Variants in AIG1 observed in about 807,000 individuals in gnomAD.
AIG1 encodes androgen-induced gene 1 protein.
A neutral mutation model predicts 31.4 loss-of-function variants in AIG1; 23 were observed. The ratio of observed to expected loss-of-function variants is 0.73; its 90% CI spans 0.53 to 1.04. The LOEUF is 1.04. Ranked by LOEUF, AIG1 falls within the 50% of genes least tolerant of loss-of-function variation. The pLI, the probability that AIG1 is intolerant of heterozygous loss-of-function variation, is 0.00. For synonymous variants in AIG1, 100 were observed against 110.5 expected (o/e 0.90, Z 0.60); for missense variants, 274 against 295.0 (o/e 0.93, Z 0.52).
intron 4 of AIG1, among the ~76,000 whole-genome samples, chr6:143,312,936 T>C (rs1287902079): frequency 6.6e-6 from 1 of 152,072 alleles, no homozygotes; most frequent in Non-Finnish European, 1.5e-5. Flanking sequence ...TACAAATGGC[T>C]AACTGGTATA....
chr6:143,077,414 T>C (rs2128465924), intron 1 of AIG1, among the ~76,000 whole-genome samples: 1 of 152,354 alleles, frequency 6.6e-6, no homozygotes. Context: ...TTTTTCTTCA[T>C]TGAGTATGCT....
intron 1 of AIG1, among the ~76,000 whole-genome samples, chr6:143,090,311 A>G (rs1283470904): frequency 6.6e-6 from 1 of 152,064 alleles, no homozygotes. Flanking sequence ...CTATCTATCC[A>G]TCCATCCATC....
At chr6:143,238,782 C>G (rs1261127109) in intron 3 of AIG1, among the ~76,000 whole-genome samples, 1 of 152,132 alleles carries the variant, frequency 6.6e-6, no homozygotes, top group South Asian at 2.1e-4. Flanking sequence ...TGGAGCAAAA[C>G]CTTTATTATC....
intron 1 of AIG1, among the ~76,000 whole-genome samples, chr6:143,090,491 C>T (rs559426375): frequency 4.4e-4 from 67 of 152,296 alleles, no homozygotes; most frequent in African/African-American, 1.6e-3. Context: ...CCAATATAGG[C>T]ATACCTTGGT....
intron 4 of AIG1, among the ~76,000 whole-genome samples, chr6:143,324,788 G>T (rs577797491): frequency 1.3e-5 from 2 of 152,306 alleles, no homozygotes; most frequent in African/African-American, 4.8e-5. Flanking sequence ...TTATCTAAAT[G>T]TGAATGATAG....
Position 143,268,006 on chromosome 6 carries a change from T to A in AIG1, c.400-16104T>A, listed in dbSNP as rs1583676820. ...TGATGAAAATGTCAGGTTTCTTTGA[T>A]TTGGCTGAACTCTGTGAGCACAATG... On this transcript the variant is annotated intron_variant, in intron 3 of 5. Coordinates refer to ENST00000357847, the MANE Select transcript of AIG1 (RefSeq NM_016108.4). This position sits in a 1 kb window ranked among gnomAD's most constrained non-coding sequence, Gnocchi z 5.0. Among the ~76,000 whole-genome samples the A allele has an allele frequency of 6.6e-6, 1 of 152,308 alleles. No homozygotes were observed. The highest frequency in any genetic ancestry group is 2.1e-4 in the South Asian group (1 of 4,820).
rs193106187 is a variant in AIG1 at position 143,108,310 on chromosome 6, A to G, written c.142-28525A>G. On this transcript the variant is annotated intron_variant, in intron 1 of 5. Transcript: ENST00000357847. ...TAAGATTTCTTACTTGCAACATAGCATTTAAGAAAAATTACTCAATGTAAG... is the reference window on the plus strand; with the variant it reads ...TAAGATTTCTTACTTGCAACATAGCGTTTAAGAAAAATTACTCAATGTAAG... Among the ~76,000 whole-genome samples, 25 of 152,338 alleles carry G rather than the reference A, an allele frequency of 1.6e-4. No individual in the cohort carries two copies. The East Asian group carries it at 3.7e-3, about 22-fold the overall frequency.
Position 143,187,363 on chromosome 6 carries a change from T to G in AIG1, c.399+22180T>G, listed in dbSNP as rs144917260. On this transcript the variant is annotated intron_variant, in intron 3 of 5. Transcript: ENST00000357847. ...AGATATTTTGCTGCATTCCATGGTG[T>G]CTCATTTATTTGTTTAATTTGCAGC... 5.3e-4 allele frequency: 807 copies of G among 1,513,866 alleles called. 3 individuals are homozygous for G. In the African/African-American group the frequency reaches 9.9e-3, roughly 19 times the overall value. The allele number at this position is 1,513,866 out of a possible 1,614,324, so 93.8% of individuals were successfully genotyped here.
At chr6:143,117,527 C>T (rs899463774) in intron 1 of AIG1, among the ~76,000 whole-genome samples, 8 of 151,904 alleles carry the variant, frequency 5.3e-5, no homozygotes, top group Non-Finnish European at 1.2e-4. Flanking sequence ...ATGAGGATGA[C>T]GGTGGAAGAA....
intron 3 of AIG1, among the ~76,000 whole-genome samples, chr6:143,195,903 G>C (rs1362287082): frequency 3.3e-5 from 5 of 152,194 alleles, no homozygotes; most frequent in African/African-American, 1.2e-4. Context: ...TTGTCATGTG[G>C]CATGTTTTTA....
chr6:143,253,161 G>A (rs182979193), intron 3 of AIG1, among the ~76,000 whole-genome samples: 4 of 152,302 alleles, frequency 2.6e-5, no homozygotes, highest in Admixed American at 1.3e-4. Flanking sequence ...CATGAATACC[G>A]AGCACTTGGA....
intron 3 of AIG1, among the ~76,000 whole-genome samples, chr6:143,240,840 T>C (rs1437176725): frequency 5.3e-5 from 8 of 152,224 alleles, no homozygotes. Context: ...CCCGTACTTA[T>C]CTTTCTGTGA....
chr6:143,125,679 C>T (rs1319866355), intron 1 of AIG1, among the ~76,000 whole-genome samples: 1 of 152,130 alleles, frequency 6.6e-6, no homozygotes, highest in African/African-American at 2.4e-5. Context: ...GGGAACATGG[C>T]GTGACTGTAC....
chr6:143,103,572 A>G (rs1583185933), intron 1 of AIG1, among the ~76,000 whole-genome samples: 1 of 118,516 alleles, frequency 8.4e-6, no homozygotes, highest in Middle Eastern at 8.1e-3. Flanking sequence ...CAGTGGCGGG[A>G]TCTCGGCTCA....
At chr6:143,153,541 A>T (rs564736368) in intron 2 of AIG1, among the ~76,000 whole-genome samples, 36 of 151,952 alleles carry the variant, frequency 2.4e-4, no homozygotes, top group Admixed American at 1.2e-3. Context: ...TACAGACGGG[A>T]TTTCACCATA....
At chr6:143,062,612 G>C (rs186306043) in intron 1 of AIG1, among the ~76,000 whole-genome samples, 4 of 152,302 alleles carry the variant, frequency 2.6e-5, no homozygotes, top group Admixed American at 2.6e-4. Flanking sequence ...CAATTATGTT[G>C]TGTAGCAGAC....
At chr6:143,309,437 C>G (rs952473327) in intron 4 of AIG1, among the ~76,000 whole-genome samples, 1 of 151,778 alleles carries the variant, frequency 6.6e-6, no homozygotes, top group African/African-American at 2.4e-5. Context: ...GTTACAAAGG[C>G]AACAACTTAT....
At position 143,328,114 on chromosome 6, in the gene AIG1, C is replaced by G. The variant is rs1361406148; in HGVS notation, c.516-5168C>G. Among the ~76,000 whole-genome samples the G allele has an allele frequency of 1.3e-5, 2 of 152,026 alleles. No homozygotes were observed. The highest frequency in any genetic ancestry group is 4.8e-5 in the African/African-American group (2 of 41,368). On this transcript the variant is annotated intron_variant, in intron 4 of 5. Transcript: ENST00000357847. The surrounding 1 kb of genome is among the most constrained non-coding windows in gnomAD (Gnocchi z 4.0). Reference sequence around the variant, plus strand: ...GGTAGGGTAGTGAAGGGTGCACTGACAAAGGGAAGAGGAACAGCCAAGTGG... The same window carrying G: ...GGTAGGGTAGTGAAGGGTGCACTGAGAAAGGGAAGAGGAACAGCCAAGTGG...
intron 4 of AIG1, among the ~76,000 whole-genome samples, chr6:143,296,825 G>GT (rs1243597444): frequency 5.3e-5 from 8 of 152,180 alleles, no homozygotes; most frequent in Non-Finnish European, 1.2e-4. Flanking sequence ...AATTTTCAAA[G>GT]TAAGAGAAGC....
Sources: gnomAD v4.1 joint callset for allele counts (sites outside exome capture counted in the v4.1 genomes callset) on GRCh38, gnomAD v4.1.1 for gene constraint, Gnocchi (gnomAD v3.1) non-coding constraint, MANE v1.5 for transcripts, NCBI Gene and HGNC (gene_info 2026-07-23, HGNC 2026-07-21) for gene names.